Variants in KLF3 observed in about 807,000 individuals in gnomAD.
KLF3 encodes the protein Krueppel-like factor 3.
A neutral mutation model predicts 32.7 loss-of-function variants in KLF3; 6 were observed. That is an observed-to-expected ratio of 0.18 (90% CI 0.10 to 0.36). The LOEUF is 0.36. Ranked by LOEUF, KLF3 falls within the 10% of genes least tolerant of loss-of-function variation. The pLI, the probability that KLF3 is intolerant of heterozygous loss-of-function variation, is 1.00. For synonymous variants in KLF3, 145 were observed against 172.8 expected (o/e 0.84, Z 1.26); for missense variants, 338 against 449.7 (o/e 0.75, Z 2.25).
intron 2 of KLF3, among the ~76,000 whole-genome samples, chr4:38,685,390 C>T (rs1016688898): frequency 6.6e-6 from 1 of 152,174 alleles, no homozygotes; most frequent in African/African-American, 2.4e-5. Context: ...ACAATAATCG[C>T]ACATCCAATA....
chr4:38,671,585 C>T lies in KLF3; in HGVS notation c.-40+7124C>T, dbSNP rs1722201037. Among the ~76,000 whole-genome samples, 1 of 152,148 alleles carries T rather than the reference C, an allele frequency of 6.6e-6. No homozygotes were observed. Among genetic ancestry groups the T allele is most frequent in the Admixed American group, 6.5e-5 (1 of 15,276 alleles). ...CTTACTGTTGGTGGTGTAATGTTGT[C>T]CTCTGCCTGGGGAGGTGGAAGAGTG... On this transcript the variant is annotated intron_variant, in intron 1 of 5. Coordinates refer to ENST00000261438, the MANE Select transcript of KLF3 (RefSeq NM_016531.6). The surrounding 1 kb of genome is among the most constrained non-coding windows in gnomAD (Gnocchi z 4.4).
In KLF3 at chr4:38,671,536, G is replaced by A. The variant is rs9992216; in HGVS notation, c.-40+7075G>A. Among the ~76,000 whole-genome samples the A allele has an allele frequency of 5.9e-3, 899 of 152,284 alleles. 6 individuals carry two copies. Among genetic ancestry groups the A allele is most frequent in the African/African-American group, 0.019 (808 of 41,544 alleles). ...TTCTGTCTTCTCCGGGGACCAACCT[G>A]TTCACAGAAATCACTATCATGTACT... On this transcript the variant is annotated intron_variant, in intron 1 of 5. Transcript: ENST00000261438. The surrounding 1 kb of genome is among the most constrained non-coding windows in gnomAD (Gnocchi z 4.4).
chr4:38,682,193 G>A (rs550148106), intron 2 of KLF3, among the ~76,000 whole-genome samples: 1 of 152,194 alleles, frequency 6.6e-6, no homozygotes, highest in African/African-American at 2.4e-5. Flanking sequence ...ATAGTAGCTG[G>A]GATTACAGGC....
At chr4:38,691,534 T>G (rs1722878826) in intron 4 of KLF3, among the ~76,000 whole-genome samples, 1 of 152,162 alleles carries the variant, frequency 6.6e-6, no homozygotes. Flanking sequence ...TATTCCAAAG[T>G]CTGGGTTATT....
chr4:38,665,364 A>G (rs1348646521), intron 1 of KLF3, among the ~76,000 whole-genome samples: 1 of 152,156 alleles, frequency 6.6e-6, no homozygotes, highest in Non-Finnish European at 1.5e-5. Flanking sequence ...AACATTTCCA[A>G]GTGGCTTTCT....
chr4:38,678,217 G>C (rs922578192), intron 1 of KLF3, among the ~76,000 whole-genome samples: 3 of 152,156 alleles, frequency 2.0e-5, no homozygotes, highest in African/African-American at 7.2e-5. Flanking sequence ...GCTGCTAAAT[G>C]ATCTGACCTC....
rs2109251619 is a variant in KLF3 at position 38,688,437 on chromosome 4, TTTAAGG to T, written c.58-146_58-141del. 1.3e-6 allele frequency: 1 copy of T among 760,152 alleles called. No homozygotes were observed. Among genetic ancestry groups the T allele is most frequent in the East Asian group, 2.6e-5 (1 of 37,918 alleles). The allele number at this position is 760,152 out of a possible 1,614,324, so 47.1% of individuals were successfully genotyped here. A position where few individuals can be genotyped will look rare whatever the true frequency, so the allele number is the denominator to read the frequency against. ...TTGAGACCACCTCTTTGAGCATTTT[TTTAAGG>T]TCACATATATATCGAAATCTAAACT... is the stretch of plus-strand genomic sequence containing the variant. On this transcript the variant is annotated intron_variant, in intron 2 of 5. Transcript: ENST00000261438. This position sits in a 1 kb window ranked among gnomAD's most constrained non-coding sequence, Gnocchi z 4.9.
chr4:38,672,893 T>C (rs1033908024), intron 1 of KLF3, among the ~76,000 whole-genome samples: 1 of 150,892 alleles, frequency 6.6e-6, no homozygotes, highest in African/African-American at 2.4e-5. Context: ...TGAGGAAGGC[T>C]TCAGAGATGG....
At chr4:38,693,764 A>G (rs1722958391) in intron 4 of KLF3, among the ~76,000 whole-genome samples, 1 of 152,228 alleles carries the variant, frequency 6.6e-6, no homozygotes, top group South Asian at 2.1e-4. Context: ...GAATGAGCAG[A>G]TTAGAACATT....
At chr4:38,681,884 C>T (rs1339642484) in intron 2 of KLF3, among the ~76,000 whole-genome samples, 1 of 152,122 alleles carries the variant, frequency 6.6e-6, no homozygotes, top group African/African-American at 2.4e-5. Context: ...CGCCGAGGCC[C>T]TTGGAGCTGA....
intron 2 of KLF3, among the ~76,000 whole-genome samples, chr4:38,686,182 T>C (rs1050853262): frequency 3.3e-5 from 5 of 152,066 alleles, no homozygotes; most frequent in African/African-American, 7.2e-5. Context: ...TGGTGGCTCA[T>C]GTCTGTAATC....
At chr4:38,689,997 T>G (rs1417637803) in intron 4 of KLF3, 118 bp downstream of exon 4, 2 of 991,808 alleles carry the variant, frequency 2.0e-6, no homozygotes, top group African/African-American at 3.3e-5. Context: ...CGGCTTGTGA[T>G]CTGTGGCCGC....
chr4:38,694,482 C>T (rs1722990690), intron 4 of KLF3, among the ~76,000 whole-genome samples: 1 of 152,180 alleles, frequency 6.6e-6, no homozygotes, highest in Non-Finnish European at 1.5e-5. Context: ...AGAGTGTGAG[C>T]TCCTCGAGGG....
Position 38,680,641 on chromosome 4 carries a change from C to A in KLF3, c.16C>A (p.Pro6Thr). MLMFD[P>T]VPVKQEAMDP... ...AACTAAAAGAATGCTCATGTTTGACCCAGTTCCTGTCAAGCAAGAGGCCAT... is the reference window on the plus strand; with the variant it reads ...AACTAAAAGAATGCTCATGTTTGACACAGTTCCTGTCAAGCAAGAGGCCAT... The change falls in exon 2 of 6, where the codon CCA (proline) becomes ACA (threonine). Residue 6 changes from proline (P) to threonine (T), a missense_variant. By Grantham distance (38) the Pro-to-Thr change is conservative. Coordinates refer to ENST00000261438, the MANE Select transcript of KLF3 (RefSeq NM_016531.6). 3 of 1,613,590 alleles carry A rather than the reference C, an allele frequency of 1.9e-6. No individual in the cohort carries two copies. Among genetic ancestry groups the A allele is most frequent in the Non-Finnish European group, 2.5e-6 (3 of 1,179,584 alleles).
At position 38,693,092 on chromosome 4, in the gene KLF3, G is replaced by A. The variant is rs1053357429; in HGVS notation, c.696-1654G>A. On this transcript the variant is annotated intron_variant, in intron 4 of 5. Coordinates refer to ENST00000261438, the MANE Select transcript of KLF3 (RefSeq NM_016531.6). ...TATATATATACACATATATATACACGTATATATATATGTACATATATATAC... is the reference window on the plus strand; with the variant it reads ...TATATATATACACATATATATACACATATATATATATGTACATATATATAC... 8.9e-4 allele frequency among the ~76,000 whole-genome samples: 96 copies of A among 108,224 alleles called. 1 individual carries two copies. The highest frequency in any genetic ancestry group is 1.5e-3 in the African/African-American group (42 of 28,518). 71.0% of individuals were successfully genotyped at this position (108,224 alleles called of 152,430 possible).
chr4:38,688,511 ATTT>A lies in KLF3; in HGVS notation c.58-71_58-69del, dbSNP rs1343236426. 9.1e-6 allele frequency: 13 copies of A among 1,421,460 alleles called. No homozygotes were observed. The highest frequency in any genetic ancestry group is 1.1e-5 in the Non-Finnish European group (12 of 1,051,202). The allele number at this position is 1,421,460 out of a possible 1,614,324, so 88.1% of individuals were successfully genotyped here. A position where few individuals can be genotyped will look rare whatever the true frequency, so the allele number is the denominator to read the frequency against. ...TAATTGTTAAGTGCCTTGTTAGCAT[ATTT>A]TTCTTAATTCATGTTTCAAGTAAAT... is the stretch of plus-strand genomic sequence containing the variant. On this transcript the variant is annotated intron_variant, in intron 2 of 5. Transcript: ENST00000261438. The surrounding 1 kb of genome is among the most constrained non-coding windows in gnomAD (Gnocchi z 4.9).
chr4:38,667,098 G>T (rs1428710725), intron 1 of KLF3, among the ~76,000 whole-genome samples: 1 of 152,134 alleles, frequency 6.6e-6, no homozygotes, highest in Non-Finnish European at 1.5e-5. Flanking sequence ...AATAGGGCAG[G>T]TCCCCTGTAT....
intron 1 of KLF3, among the ~76,000 whole-genome samples, chr4:38,665,887 G>A (rs1007205777): frequency 1.3e-5 from 2 of 152,122 alleles, no homozygotes; most frequent in African/African-American, 4.8e-5. Context: ...TTGCTTTTAG[G>A]GGAAAAAACA....
chr4:38,665,264 A>G (rs1205282213), intron 1 of KLF3, among the ~76,000 whole-genome samples: 1 of 152,124 alleles, frequency 6.6e-6, no homozygotes, highest in Admixed American at 6.5e-5. Flanking sequence ...GCGTGGCTGA[A>G]GGCGGAAGAC....
Sources: allele counts gnomAD v4.1 joint callset (sites outside exome capture counted in the v4.1 genomes callset), GRCh38; gene constraint gnomAD v4.1.1; non-coding constraint Gnocchi (gnomAD v3.1); transcripts MANE v1.5; gene names NCBI Gene and HGNC (gene_info 2026-07-23, HGNC 2026-07-21).